Variants in FREM1 observed in about 807,000 individuals in gnomAD.
FREM1 encodes the protein FRAS1 related extracellular matrix 1, also known as FRAS1-related extracellular matrix protein 1.
Under a neutral mutation model 210.1 loss-of-function variants are expected in FREM1, and 220 were observed. The observed-to-expected ratio is 1.05, with a 90% CI of 0.94 to 1.17. FREM1 has a LOEUF of 1.17. Among genes scored for constraint, FREM1 ranks in the 50% most tolerant of loss-of-function variants. The pLI is 0.00. For synonymous variants in FREM1, 1,189 were observed against 980.2 expected (o/e 1.21, Z -3.98); for missense variants, 3,454 against 2,675.5 (o/e 1.29, Z -6.42).
At chr9:14,809,437 G>C (rs1039681424) in intron 16 of FREM1, among the ~76,000 whole-genome samples, 8 of 152,198 alleles carry the variant, frequency 5.3e-5, no homozygotes, top group Non-Finnish European at 1.5e-5. Flanking sequence ...AATCTGCAGA[G>C]CTCTGTGGTT....
intron 25 of FREM1, 88 bp from the exon 26 acceptor site, chr9:14,770,894 C>G (rs1847450520): frequency 1.1e-6 from 1 of 899,644 alleles, no homozygotes; most frequent in African/African-American, 1.7e-5. Context: ...CAATGACACA[C>G]TGTCCCACGT....
chr9:14,816,435 G>A (rs564972927), intron 15 of FREM1, among the ~76,000 whole-genome samples: 1 of 152,106 alleles, frequency 6.6e-6, no homozygotes, highest in South Asian at 2.1e-4. Context: ...TGATTTTAAT[G>A]TGTCCCCAGA....
Position 14,860,586 on chromosome 9 carries a change from T to TATATATATACACATATATATATACAC in FREM1, c.330-1103_330-1102insGTGTATATATATATGTGTATATATAT, listed in dbSNP as rs1416009459. ...ATATATATACACATATATATACACA[T>TATATATATACACATATATATATACAC]ATATATACATATATACACATATATA... On this transcript the variant is annotated intron_variant, in intron 3 of 36. Coordinates refer to ENST00000380880, the MANE Select transcript of FREM1 (RefSeq NM_001379081.2). Among the ~76,000 whole-genome samples, 603 of 87,726 alleles carry TATATATATACACATATATATATACAC rather than the reference T, an allele frequency of 6.9e-3. 59 individuals are homozygous for TATATATATACACATATATATATACAC. The highest frequency in any genetic ancestry group is 0.046 in the Middle Eastern group (6 of 130). The allele number at this position is 87,726 out of a possible 152,430, so 57.6% of individuals were successfully genotyped here. A position where few individuals can be genotyped will look rare whatever the true frequency, so the allele number is the denominator to read the frequency against.
intron 5 of FREM1, among the ~76,000 whole-genome samples, chr9:14,856,793 G>A (rs565373219): frequency 2.3e-4 from 33 of 144,794 alleles, no homozygotes; most frequent in East Asian, 6.1e-4. Context: ...ACATTATTGC[G>A]CTACTGCACT....
chr9:14,757,093 A>T (rs1198500104), intron 28 of FREM1, among the ~76,000 whole-genome samples: 1 of 152,202 alleles, frequency 6.6e-6, no homozygotes, highest in African/African-American at 2.4e-5. Context: ...GGACCCCGTC[A>T]GGTAGGTGTT....
chr9:14,762,778 T>TTTTTTTTTTTTTTTTTTG (rs1845734804), intron 27 of FREM1, among the ~76,000 whole-genome samples: 1 of 150,920 alleles, frequency 6.6e-6, no homozygotes, highest in Non-Finnish European at 1.5e-5. Flanking sequence ...TTTTGCTTTT[T>TTTTTTTTTTTTTTTTTTG]GCAGTAGTAT....
chr9:14,784,173 A>C (rs1240902303), intron 24 of FREM1, 197 bp downstream of exon 24: 1 of 496,980 alleles, frequency 2.0e-6, no homozygotes, highest in African/African-American at 1.9e-5. Flanking sequence ...AGAGCTGAAA[A>C]ATGACTCATT....
intron 21 of FREM1, among the ~76,000 whole-genome samples, chr9:14,793,957 T>G (rs1185154068): frequency 6.6e-6 from 1 of 152,068 alleles, no homozygotes; most frequent in African/African-American, 2.4e-5. Flanking sequence ...AAGCAATCAG[T>G]TGGTTGAGGG....
chr9:14,826,490 C>T (rs1822484013), intron 10 of FREM1, among the ~76,000 whole-genome samples: 2 of 152,188 alleles, frequency 1.3e-5, no homozygotes, highest in South Asian at 4.1e-4. Flanking sequence ...TTCTAGAATG[C>T]TTTCCTCCTG....
chr9:14,746,572 G>C (rs1237090499), intron 34 of FREM1, 104 bp from the exon 35 acceptor site: 5 of 872,544 alleles, frequency 5.7e-6, no homozygotes, highest in Non-Finnish European at 9.5e-6. Context: ...CAAGTAGTTT[G>C]GTTACCACAA....
chr9:14,892,516 G>A (rs1053800339), intron 1 of FREM1, among the ~76,000 whole-genome samples: 9 of 152,206 alleles, frequency 5.9e-5, no homozygotes, highest in Admixed American at 5.9e-4. Context: ...GGGGGTTAGA[G>A]GCCCCTCCCA....
intron 1 of FREM1, among the ~76,000 whole-genome samples, chr9:14,883,629 G>C (rs1835218293): frequency 6.6e-6 from 1 of 152,142 alleles, no homozygotes. Flanking sequence ...GTGATGATGG[G>C]TCTTTTAACA....
chr9:14,775,351 A>C lies in FREM1; in HGVS notation c.4857+438T>G, dbSNP rs80154809. On this transcript the variant is annotated intron_variant, in intron 25 of 36. Coordinates refer to ENST00000380880, the MANE Select transcript of FREM1 (RefSeq NM_001379081.2). Reference sequence around the variant, plus strand: ...GACCATATCTCTTTCATTCATATTAATATTGCTGTTTTGCTGTAGATGCAT... The same window carrying C: ...GACCATATCTCTTTCATTCATATTACTATTGCTGTTTTGCTGTAGATGCAT... Among the ~76,000 whole-genome samples, 382 of 152,280 alleles carry C rather than the reference A, an allele frequency of 2.5e-3. 1 individual carries two copies. The highest frequency in any genetic ancestry group is 8.7e-3 in the African/African-American group (363 of 41,564).
chr9:14,845,478 T>C (rs1053633956), intron 8 of FREM1, among the ~76,000 whole-genome samples: 3 of 152,130 alleles, frequency 2.0e-5, no homozygotes, highest in African/African-American at 7.2e-5. Context: ...CTAATTTTTG[T>C]ATTTTCAGTA....
rs1827742967 is a variant in FREM1, at chr9:14,851,476, C to T, written c.960G>A (p.Leu320=). The T allele has an allele frequency of 1.2e-6, 2 of 1,613,972 alleles. No homozygotes were observed. The highest frequency in any genetic ancestry group is 4.5e-5 in the East Asian group (2 of 44,878). Residue 320 remains leucine (L), a synonymous_variant, in exon 6 of 37, where the codon CTG becomes CTA. Coordinates refer to ENST00000380880, the MANE Select transcript of FREM1 (RefSeq NM_001379081.2). ...TAGGGGTCTCATCTTCTTCACAGTC[C>T]AGAACTGATGTAGTCAAGGAGGTCA... The part of the protein sequence containing the change: ...FILTSLTTSV[L]DCEEDETPKP...
At chr9:14,769,918 A>C in intron 26 of FREM1, 50 bp from the exon 27 acceptor site, 1 of 898,586 alleles carries the variant, frequency 1.1e-6, no homozygotes, top group South Asian at 1.9e-5. Flanking sequence ...AAAACATTAA[A>C]TAAAAGCTAA....
intron 3 of FREM1, among the ~76,000 whole-genome samples, chr9:14,861,776 G>C (rs916897130): frequency 3.9e-5 from 6 of 152,034 alleles, no homozygotes; most frequent in Non-Finnish European, 7.4e-5. Flanking sequence ...CAAAGTGCTG[G>C]GATTAGAGGC....
chr9:14,788,297 C>T (rs974240346), intron 23 of FREM1, among the ~76,000 whole-genome samples: 6 of 152,080 alleles, frequency 3.9e-5, no homozygotes, highest in African/African-American at 1.4e-4. Flanking sequence ...TAAACAAACT[C>T]TCCTCCATCT....
intron 21 of FREM1, 115 bp from the exon 22 acceptor site, chr9:14,792,999 A>G (rs988125225): frequency 1.1e-5 from 7 of 655,444 alleles, no homozygotes; most frequent in Non-Finnish European, 1.7e-5. Context: ...AATGACATTC[A>G]ATATTCAAAG....
Sources: gnomAD v4.1 joint callset for allele counts (sites outside exome capture counted in the v4.1 genomes callset) on GRCh38, gnomAD v4.1.1 for gene constraint, MANE v1.5 for transcripts, NCBI Gene and HGNC (gene_info 2026-07-23, HGNC 2026-07-21) for gene names.